The following SNTB1 variants were observed in gnomAD, a reference collection of about 807,000 sequenced individuals.
The protein encoded by SNTB1 is beta-1-syntrophin.
SNTB1 carries 36 observed loss-of-function variants against 48.9 expected under a neutral mutation model. The ratio of observed to expected loss-of-function variants is 0.74; its 90% CI spans 0.56 to 0.97. SNTB1 has a LOEUF of 0.97. SNTB1 is among the 50% of genes least tolerant of loss of function. The pLI is 0.00. For synonymous variants in SNTB1, 299 were observed against 294.6 expected, an observed-to-expected ratio of 1.01 and a Z score of -0.15; for missense variants, 786 against 703.4, an observed-to-expected ratio of 1.12 and a Z score of -1.33.
At chr8:120,698,461 C>A (rs1019273918) in intron 1 of SNTB1, among the ~76,000 whole-genome samples, 2 of 151,890 alleles carry the variant, frequency 1.3e-5, no homozygotes, top group African/African-American at 4.8e-5. Flanking sequence ...TCCACACATC[C>A]GTTCTTAAAA....
rs1239910440 is a variant in SNTB1 at position 120,693,887 on chromosome 8, G to A, written c.593C>T (p.Thr198Met). ...LLEVKYMREATPYVKKGSPVS... is the reference protein window; with the variant it reads ...LLEVKYMREAMPYVKKGSPVS... Reference sequence around the variant, plus strand: ...TGGGGATCCTTTCTTCACATAGGGCGTGGCTTCTCGCATGTACTTCACTGC... The same window carrying A: ...TGGGGATCCTTTCTTCACATAGGGCATGGCTTCTCGCATGTACTTCACTGC... The change falls in exon 2 of 7, where the codon ACG becomes ATG. Residue 198 changes from threonine (T) to methionine (M), a missense_variant. Thr to Met is a moderately conservative substitution (Grantham distance 81). Coordinates refer to ENST00000517992, the MANE Select transcript of SNTB1 (RefSeq NM_021021.4). The A allele has an allele frequency of 2.5e-6, 4 of 1,613,966 alleles. No individual in the cohort carries two copies. The highest frequency in any genetic ancestry group is 3.4e-6 in the Non-Finnish European group (4 of 1,179,876).
chr8:120,759,156 CCAGAGA>C (rs967521954), intron 1 of SNTB1, among the ~76,000 whole-genome samples: 3 of 152,072 alleles, frequency 2.0e-5, no homozygotes, highest in African/African-American at 7.2e-5. Flanking sequence ...TCCATCCAGG[CCAGAGA>C]CAAAGTTCTG....
chr8:120,776,588 T>C (rs1321854868), intron 1 of SNTB1: 1 of 152,202 alleles, frequency 6.6e-6, no homozygotes, highest in Non-Finnish European at 1.5e-5. Flanking sequence ...ATGCTTGTAT[T>C]TTGCAAATGA....
intron 4 of SNTB1, chr8:120,570,826 C>T: frequency 6.2e-6 from 1 of 160,940 alleles, no homozygotes; most frequent in South Asian, 1.8e-4. Context: ...CTCTGGGCTC[C>T]CTTCCCTTGT....
rs541996878 is a variant in SNTB1 at position 120,733,112 on chromosome 8, C to T, written c.572-39204G>A. On this transcript the variant is annotated intron_variant, in intron 1 of 6. Coordinates refer to ENST00000517992, the MANE Select transcript of SNTB1 (RefSeq NM_021021.4). ...ACAGGCCCTGACTGGGAGTACAAAT[C>T]GTGTATATGCCAAGTATGAGGTAGA... Among the ~76,000 whole-genome samples the T allele has an allele frequency of 6.6e-5, 10 of 152,314 alleles. No individual in the cohort carries two copies. The South Asian group carries it at 2.1e-3, about 32-fold the overall frequency.
intron 1 of SNTB1, among the ~76,000 whole-genome samples, chr8:120,711,518 G>C (rs183658170): frequency 2.0e-5 from 3 of 152,142 alleles, no homozygotes; most frequent in Admixed American, 2.0e-4. Context: ...ATGCAAGACT[G>C]TTTACTGTGT....
intron 3 of SNTB1, among the ~76,000 whole-genome samples, chr8:120,576,732 A>G (rs753877976): frequency 3.9e-5 from 6 of 152,194 alleles, no homozygotes; most frequent in Non-Finnish European, 5.9e-5. Context: ...CAAGTCAACT[A>G]ATTTCTTTGT....
chr8:120,791,922 C>T (rs545224226), intron 1 of SNTB1, among the ~76,000 whole-genome samples: 3 of 151,836 alleles, frequency 2.0e-5, no homozygotes, highest in South Asian at 2.1e-4. Flanking sequence ...ATCTACCATT[C>T]GATCCAGCAA....
intron 1 of SNTB1, among the ~76,000 whole-genome samples, chr8:120,733,497 TA>T (rs1205670643): frequency 6.6e-6 from 1 of 152,258 alleles, no homozygotes; most frequent in Non-Finnish European, 1.5e-5. Flanking sequence ...GCCAACCAAG[TA>T]ATATTTGTCT....
Position 120,811,908 on chromosome 8 carries a change from G to T in SNTB1, c.-65C>A, listed in dbSNP as rs1044032767. The T allele has an allele frequency of 1.9e-5, 24 of 1,290,004 alleles. No individual in the cohort carries two copies. Among genetic ancestry groups the T allele is most frequent in the Non-Finnish European group, 2.1e-5 (21 of 1,022,404 alleles). 79.9% of individuals were successfully genotyped at this position (1,290,004 alleles called of 1,614,324 possible). Reference sequence around the variant, plus strand: ...GGGGAAAAGTGGGGAAGGGTGGCCGGGGGGAGGACGCGGGGCCCGGGGGAG... The same window carrying T: ...GGGGAAAAGTGGGGAAGGGTGGCCGTGGGGAGGACGCGGGGCCCGGGGGAG... On this transcript the variant is annotated 5_prime_UTR_variant, in exon 1 of 7. Coordinates refer to ENST00000517992, the MANE Select transcript of SNTB1 (RefSeq NM_021021.4).
At chr8:120,706,929 A>G (rs1818386921) in intron 1 of SNTB1, among the ~76,000 whole-genome samples, 1 of 152,186 alleles carries the variant, frequency 6.6e-6, no homozygotes, top group African/African-American at 2.4e-5. Context: ...GGGTAGAGTC[A>G]GGAAAGGAAT....
At chr8:120,780,084 T>A (rs1367078426) in intron 1 of SNTB1, among the ~76,000 whole-genome samples, 9 of 135,336 alleles carry the variant, frequency 6.7e-5, no homozygotes, top group South Asian at 2.4e-4. Flanking sequence ...ATGATCTAGT[T>A]AAAAAAAAAA....
intron 2 of SNTB1, among the ~76,000 whole-genome samples, chr8:120,644,710 C>T (rs1410181382): frequency 2.0e-5 from 3 of 150,920 alleles, no homozygotes; most frequent in Admixed American, 6.6e-5. Flanking sequence ...ATGGTATTTC[C>T]AGTTCTAGAT....
intron 1 of SNTB1, among the ~76,000 whole-genome samples, chr8:120,764,035 A>T (rs1819474013): frequency 6.6e-6 from 1 of 152,240 alleles, no homozygotes; most frequent in South Asian, 2.1e-4. Context: ...ATGTTCTCAA[A>T]GTCATAAGGT....
chr8:120,788,874 T>C (rs1174255615), intron 1 of SNTB1, among the ~76,000 whole-genome samples: 1 of 152,012 alleles, frequency 6.6e-6, no homozygotes, highest in Non-Finnish European at 1.5e-5. Context: ...ACTTAAACTG[T>C]ACTCTAGCTC....
At chr8:120,694,973 T>G (rs368635502) in intron 1 of SNTB1, among the ~76,000 whole-genome samples, 16 of 152,208 alleles carry the variant, frequency 1.1e-4, no homozygotes, top group African/African-American at 3.4e-4. Context: ...GTTCTGCTCT[T>G]TGATATATTT....
At chr8:120,577,196 T>C (rs142479259) in intron 3 of SNTB1, among the ~76,000 whole-genome samples, 1 of 152,228 alleles carries the variant, frequency 6.6e-6, no homozygotes, top group African/African-American at 2.4e-5. Context: ...ACCTTTATAT[T>C]TTAATGCCTC....
intron 3 of SNTB1, among the ~76,000 whole-genome samples, chr8:120,608,041 G>A (rs981401619): frequency 1.3e-5 from 2 of 152,148 alleles, no homozygotes; most frequent in African/African-American, 4.8e-5. Flanking sequence ...CCAAGAAACC[G>A]CAAGCTTGGT....
chr8:120,616,979 G>A (rs1278051948), intron 3 of SNTB1, among the ~76,000 whole-genome samples: 1 of 152,212 alleles, frequency 6.6e-6, no homozygotes, highest in Non-Finnish European at 1.5e-5. Context: ...CAAATCATCT[G>A]CTCTGGCAGA....
Sources: gnomAD v4.1 joint callset for allele counts (sites outside exome capture counted in the v4.1 genomes callset) on GRCh38, gnomAD v4.1.1 for gene constraint, MANE v1.5 for transcripts, NCBI Gene and HGNC (gene_info 2026-07-23, HGNC 2026-07-21) for gene names.